FHIT: variants seen among roughly 807,000 people sequenced by gnomAD.
The protein encoded by FHIT is bis(5'-adenosyl)-triphosphatase.
Under a neutral mutation model 17.9 loss-of-function variants are expected in FHIT, and 19 were observed. The observed-to-expected ratio is 1.06, with a 90% confidence interval of 0.74 to 1.56. The LOEUF is 1.56. FHIT is among the 40% of genes most tolerant of loss of function. FHIT has a pLI of 0.00. For synonymous variants in FHIT, 81 were observed against 69.7 expected, an observed-to-expected ratio of 1.16 and a Z score of -0.81; for missense variants, 248 against 189.2, an observed-to-expected ratio of 1.31 and a Z score of -1.82.
intron 5 of FHIT, among the ~76,000 whole-genome samples, chr3:60,528,240 G>C (rs2035646561): frequency 6.6e-6 from 1 of 151,796 alleles, no homozygotes; most frequent in African/African-American, 2.4e-5. Context: ...CAAAACTCTG[G>C]GATTACAGGT....
chr3:61,126,884 C>A (rs1458996549), intron 2 of FHIT, among the ~76,000 whole-genome samples: 3 of 151,992 alleles, frequency 2.0e-5, no homozygotes, highest in African/African-American at 7.3e-5. Flanking sequence ...GTACAAGTTC[C>A]TGGAAGTAAA....
At chr3:59,750,402 A>T (rs1409699613) in intron 9 of FHIT, 1 of 224,446 alleles carries the variant, frequency 4.5e-6, no homozygotes, top group Non-Finnish European at 8.9e-6. Flanking sequence ...TGAACAGGGC[A>T]CTCTAAAATG....
intron 4 of FHIT, chr3:60,617,586 G>A (rs999328565): frequency 1.3e-5 from 2 of 152,746 alleles, no homozygotes; most frequent in East Asian, 3.9e-4. Context: ...TTGAACAGTA[G>A]GGAATTGCTA....
At chr3:60,226,576 T>A (rs138757492) in intron 5 of FHIT, among the ~76,000 whole-genome samples, 1 of 151,782 alleles carries the variant, frequency 6.6e-6, no homozygotes, top group African/African-American at 2.4e-5. Flanking sequence ...CACACAATGA[T>A]TGCAGGATTA....
chr3:60,369,756 T>G (rs1159154402), intron 5 of FHIT, among the ~76,000 whole-genome samples: 1 of 152,308 alleles, frequency 6.6e-6, no homozygotes, highest in South Asian at 2.1e-4. Flanking sequence ...CTCTCAGCAT[T>G]GTGTGACCTT....
chr3:60,619,790 G>A (rs927047263), intron 4 of FHIT, among the ~76,000 whole-genome samples: 2 of 151,990 alleles, frequency 1.3e-5, no homozygotes, highest in Non-Finnish European at 2.9e-5. Context: ...TACCAAAGGT[G>A]CAATCCATGA....
intron 9 of FHIT, chr3:59,751,051 T>TATAAC (rs1559568823): frequency 5.5e-6 from 1 of 180,594 alleles, no homozygotes; most frequent in African/African-American, 2.4e-5. Flanking sequence ...AGAAACTATT[T>TATAAC]ATAGGAGAGG....
At chr3:60,712,112 C>T (rs1553705283) in intron 4 of FHIT, among the ~76,000 whole-genome samples, 1 of 152,104 alleles carries the variant, frequency 6.6e-6, no homozygotes, top group African/African-American at 2.4e-5. Flanking sequence ...GACTGGGGGC[C>T]AATATTCAAC....
intron 7 of FHIT, among the ~76,000 whole-genome samples, chr3:59,941,480 G>A (rs531554781): frequency 6.6e-6 from 1 of 152,226 alleles, no homozygotes; most frequent in Admixed American, 6.5e-5. Flanking sequence ...CATGCAAAGG[G>A]CCTCCTTGTG....
intron 5 of FHIT, among the ~76,000 whole-genome samples, chr3:60,112,087 T>A (rs545248384): frequency 2.6e-4 from 39 of 152,346 alleles, no homozygotes; most frequent in African/African-American, 9.1e-4. Flanking sequence ...TATTTCTCTT[T>A]GCTCATGAAA....
At chr3:60,180,150 G>C (rs890028919) in intron 5 of FHIT, among the ~76,000 whole-genome samples, 2 of 152,140 alleles carry the variant, frequency 1.3e-5, no homozygotes, top group African/African-American at 2.4e-5. Context: ...TTGACAAAAA[G>C]CACACAAGCT....
At chr3:60,131,310 C>T (rs1005420797) in intron 5 of FHIT, among the ~76,000 whole-genome samples, 1 of 151,776 alleles carries the variant, frequency 6.6e-6, no homozygotes, top group African/African-American at 2.4e-5. Context: ...TTTTTATTTG[C>T]ATTATTTTTA....
chr3:60,144,180 G>A (rs1322622761), intron 5 of FHIT, among the ~76,000 whole-genome samples: 3 of 152,212 alleles, frequency 2.0e-5, no homozygotes, highest in Admixed American at 6.5e-5. Context: ...CCATACGGCA[G>A]AAGTTGTTAT....
chr3:59,944,447 C>A (rs1706693630), intron 7 of FHIT, among the ~76,000 whole-genome samples: 1 of 152,198 alleles, frequency 6.6e-6, no homozygotes, highest in Admixed American at 6.5e-5. Flanking sequence ...TGTTCTCCAC[C>A]TCCACACTTT....
At chr3:61,150,603 A>G (rs2037359782) in intron 2 of FHIT, among the ~76,000 whole-genome samples, 1 of 152,168 alleles carries the variant, frequency 6.6e-6, no homozygotes, top group Non-Finnish European at 1.5e-5. Context: ...TTAGGTAAAG[A>G]AAAAAAATAT....
intron 5 of FHIT, among the ~76,000 whole-genome samples, chr3:60,096,303 G>A (rs1028262741): frequency 6.6e-6 from 1 of 152,172 alleles, no homozygotes; most frequent in Admixed American, 6.5e-5. Flanking sequence ...CTATCTGAAG[G>A]CAGGAAAGTC....
chr3:60,808,434 G>A (rs375827766), intron 4 of FHIT, among the ~76,000 whole-genome samples: 10 of 151,938 alleles, frequency 6.6e-5, no homozygotes, highest in South Asian at 2.1e-4. Context: ...CTACATGGCC[G>A]TCCTAGGCTT....
rs376284307 is a variant in FHIT, at chr3:60,658,090, T to C, written c.-17-121111A>G. Among the ~76,000 whole-genome samples, 3 of 152,264 alleles carry C rather than the reference T, an allele frequency of 2.0e-5. No individual in the cohort carries two copies. In the East Asian group the frequency reaches 5.8e-4, roughly 29 times the overall value. On this transcript the variant is annotated intron_variant, in intron 4 of 9. Transcript: ENST00000492590. ...GAAACTCTATACCATTTAACAACTC[T>C]CAATTCCTACTTCTCCTCAGCCCCT...
intron 8 of FHIT, among the ~76,000 whole-genome samples, chr3:59,861,476 T>C (rs1024205157): frequency 2.0e-5 from 3 of 152,206 alleles, no homozygotes; most frequent in Non-Finnish European, 2.9e-5. Flanking sequence ...GGTGCTATTT[T>C]TGAAAATGCA....
Sources: allele counts gnomAD v4.1 joint callset (sites outside exome capture counted in the v4.1 genomes callset), GRCh38; gene constraint gnomAD v4.1.1; transcripts MANE v1.5; gene names NCBI Gene and HGNC (gene_info 2026-07-23, HGNC 2026-07-21).